The following COL23A1 variants were observed in gnomAD, a reference collection of about 807,000 sequenced individuals.
The protein encoded by COL23A1 is collagen alpha-1(XXIII) chain.
A neutral mutation model predicts 99.3 loss-of-function variants in COL23A1; 97 were observed. That is an observed-to-expected ratio of 0.98 (90% CI 0.83 to 1.16). The LOEUF (loss-of-function observed/expected upper bound fraction) is 1.16. Ranked by LOEUF, COL23A1 falls within the 50% of genes most tolerant of loss-of-function variation. The pLI is 0.00. For missense variants in COL23A1, 762 were observed against 757.4 expected (o/e 1.01, Z -0.07); for synonymous variants, 320 against 308.2 (o/e 1.04, Z -0.40).
At chr5:178,456,400 A>G (rs548122726) in intron 2 of COL23A1, among the ~76,000 whole-genome samples, 13 of 152,372 alleles carry the variant, frequency 8.5e-5, no homozygotes, top group Non-Finnish European at 1.6e-4. Context: ...AGAAACAGTC[A>G]AAAAACTCGA....
At chr5:178,515,353 G>A (rs1167080260) in intron 2 of COL23A1, among the ~76,000 whole-genome samples, 1 of 152,236 alleles carries the variant, frequency 6.6e-6, no homozygotes, top group South Asian at 2.1e-4. Context: ...GTGTGAGCCT[G>A]TCCTTGTGCT....
intron 2 of COL23A1, among the ~76,000 whole-genome samples, chr5:178,521,987 T>C (rs2113068356): frequency 6.6e-6 from 1 of 152,280 alleles, no homozygotes; most frequent in Middle Eastern, 3.4e-3. Context: ...ACCCTTCAAA[T>C]GGCTAGCATG....
intron 2 of COL23A1, among the ~76,000 whole-genome samples, chr5:178,352,873 T>C (rs558772138): frequency 6.6e-6 from 1 of 152,282 alleles, no homozygotes; most frequent in Admixed American, 6.5e-5. Context: ...ACACCGAATA[T>C]TTTGGGGAGA....
rs1561842225 is a variant in COL23A1, at chr5:178,302,483, C to CTGGAGCACGGCTTCAATGCTGCACCTG, written c.406+4391_406+4392insCAGGTGCAGCATTGAAGCCGTGCTCCA. Reference sequence around the variant, plus strand: ...GGAGCACGGCTTCAATGCTGCACCTCTGTGTGTGCTGGAGCACGGCTTCGA... The same window carrying CTGGAGCACGGCTTCAATGCTGCACCTG: ...GGAGCACGGCTTCAATGCTGCACCTCTGGAGCACGGCTTCAATGCTGCACCTGTGTGTGTGCTGGAGCACGGCTTCGA... On this transcript the variant is annotated intron_variant, in intron 3 of 28. Transcript: ENST00000390654. Among the ~76,000 whole-genome samples the CTGGAGCACGGCTTCAATGCTGCACCTG allele has an allele frequency of 1.8e-3, 127 of 69,404 alleles. 15 individuals carry two copies. Among genetic ancestry groups the CTGGAGCACGGCTTCAATGCTGCACCTG allele is most frequent in the Middle Eastern group, 6.8e-3 (1 of 148 alleles). The allele number at this position is 69,404 out of a possible 152,430, so 45.5% of individuals were successfully genotyped here.
intron 2 of COL23A1, among the ~76,000 whole-genome samples, chr5:178,523,239 CAG>C (rs1164498814): frequency 4.7e-4 from 31 of 66,130 alleles, no homozygotes; most frequent in Non-Finnish European, 7.2e-4. Flanking sequence ...GAGGGAGAGA[CAG>C]AGAGAGAGAG....
At chr5:178,268,870 G>A in intron 6 of COL23A1, 114 bp from the exon 7 acceptor site, 2 of 1,105,138 alleles carry the variant, frequency 1.8e-6, no homozygotes, top group South Asian at 1.8e-5. Flanking sequence ...GGGCGGCTGA[G>A]TGGAAAATTA....
intron 1 of COL23A1, among the ~76,000 whole-genome samples, chr5:178,565,536 T>G (rs1308463325): frequency 1.3e-5 from 2 of 151,510 alleles, no homozygotes; most frequent in South Asian, 4.2e-4. Flanking sequence ...CGTTCTCTTT[T>G]GATACCCCAC....
chr5:178,271,260 G>C (rs1055102748), intron 5 of COL23A1, among the ~76,000 whole-genome samples: 1 of 152,154 alleles, frequency 6.6e-6, no homozygotes, highest in Non-Finnish European at 1.5e-5. Context: ...CCTGGTCTCT[G>C]TCAGCCCCCT....
intron 17 of COL23A1, 33 bp from the exon 18 acceptor site, chr5:178,250,138 C>A (rs745651770): frequency 1.2e-6 from 2 of 1,613,538 alleles, no homozygotes; most frequent in Admixed American, 3.3e-5. Context: ...AGGGGTTATG[C>A]CTTCCTTTCC....
At chr5:178,249,716 A>ACACACACTCTCTCTCTCTCTCT in intron 18 of COL23A1, among the ~76,000 whole-genome samples, 5 of 92,754 alleles carry the variant, frequency 5.4e-5, no homozygotes, top group Admixed American at 1.1e-4. Context: ...ACACACACAC[A>ACACACACTCTCTCTCTCTCTCT]CTCTCTCTCT....
intron 2 of COL23A1, among the ~76,000 whole-genome samples, chr5:178,489,517 A>G (rs141297683): frequency 1.5e-3 from 233 of 152,282 alleles, no homozygotes; most frequent in African/African-American, 5.2e-3. Flanking sequence ...TCTCTTTCAC[A>G]TGTATCCTGT....
Position 178,309,876 on chromosome 5 carries a change from GCT to G in COL23A1, c.362-2959_362-2958del, listed in dbSNP as rs1309735688. 6.6e-6 allele frequency among the ~76,000 whole-genome samples: 1 copy of G among 151,920 alleles called. No homozygotes were observed. Among genetic ancestry groups the G allele is most frequent in the Non-Finnish European group, 1.5e-5 (1 of 67,966 alleles). ...CAGTATGTACTCTGCATCTCAGGCA[GCT>G]CTGTGTCCCCAACTCCCACTGCAGG... On this transcript the variant is annotated intron_variant, in intron 2 of 28. Transcript: ENST00000390654. The surrounding 1 kb of genome is among the most constrained non-coding windows in gnomAD (Gnocchi z 4.7).
At position 178,306,809 on chromosome 5, in the gene COL23A1, G is replaced by C; in HGVS notation, c.406+66C>G. 8.0e-7 allele frequency: 1 copy of C among 1,247,886 alleles called. No homozygotes were observed. Among genetic ancestry groups the C allele is most frequent in the South Asian group, 1.8e-5 (1 of 56,864 alleles). 77.3% of individuals were successfully genotyped at this position (1,247,886 alleles called of 1,614,324 possible). On this transcript the variant is annotated intron_variant, in intron 3 of 28. Coordinates refer to ENST00000390654, the MANE Select transcript of COL23A1 (RefSeq NM_173465.4). This position sits in a 1 kb window ranked among gnomAD's most constrained non-coding sequence, Gnocchi z 4.1. The stretch of plus-strand genomic sequence containing the variant: ...GGGCAGCAGGTGGCCAGGCCCTGCA[G>C]TCAGAGCCTGGGGCCATGGTGGCTT...
chr5:178,282,720 A>T (rs1029913491), intron 5 of COL23A1, among the ~76,000 whole-genome samples: 5 of 152,236 alleles, frequency 3.3e-5, no homozygotes, highest in Non-Finnish European at 5.9e-5. Context: ...GCAAGCACTC[A>T]ATACTTGCAC....
At chr5:178,328,103 C>T (rs897025322) in intron 2 of COL23A1, among the ~76,000 whole-genome samples, 8 of 152,120 alleles carry the variant, frequency 5.3e-5, no homozygotes, top group Non-Finnish European at 8.8e-5. Flanking sequence ...CTGGCAGACC[C>T]AGCCTCCCTG....
At position 178,384,549 on chromosome 5, in the gene COL23A1, G is replaced by A. The variant is rs777334299; in HGVS notation, c.362-77630C>T. 2.0e-5 allele frequency among the ~76,000 whole-genome samples: 3 copies of A among 152,126 alleles called. No homozygotes were observed. Among genetic ancestry groups the A allele is most frequent in the Non-Finnish European group, 2.9e-5 (2 of 68,026 alleles). ...GCCCACCGGGCACTGTGCAGGGGCCGGCGTGCCTTACTTCCCTCCCTGCTC... is the reference window on the plus strand; with the variant it reads ...GCCCACCGGGCACTGTGCAGGGGCCAGCGTGCCTTACTTCCCTCCCTGCTC... On this transcript the variant is annotated intron_variant, in intron 2 of 28. Transcript: ENST00000390654. The surrounding 1 kb of genome is among the most constrained non-coding windows in gnomAD (Gnocchi z 5.5).
chr5:178,503,844 T>C (rs1173105152), intron 2 of COL23A1, among the ~76,000 whole-genome samples: 1 of 151,916 alleles, frequency 6.6e-6, no homozygotes, highest in Non-Finnish European at 1.5e-5. Flanking sequence ...GCATACAAAT[T>C]AAAACTCCAG....
intron 2 of COL23A1, among the ~76,000 whole-genome samples, chr5:178,447,758 A>C (rs1411123743): frequency 2.0e-5 from 3 of 152,198 alleles, no homozygotes; most frequent in Non-Finnish European, 2.9e-5. Context: ...AGAAAAAGTA[A>C]ATTAGACCGC....
At chr5:178,348,537 C>G (rs931368414) in intron 2 of COL23A1, among the ~76,000 whole-genome samples, 1 of 152,200 alleles carries the variant, frequency 6.6e-6, no homozygotes, top group Non-Finnish European at 1.5e-5. Flanking sequence ...CTCCGAACGG[C>G]GCTGGGCCAG....
Sources: gnomAD v4.1 joint callset for allele counts (sites outside exome capture counted in the v4.1 genomes callset) on GRCh38, gnomAD v4.1.1 for gene constraint, Gnocchi (gnomAD v3.1) non-coding constraint, MANE v1.5 for transcripts, NCBI Gene and HGNC (gene_info 2026-07-23, HGNC 2026-07-21) for gene names.